EPS15: variants seen among roughly 807,000 people sequenced by gnomAD.
EPS15 encodes epidermal growth factor receptor substrate 15.
A neutral mutation model predicts 113.8 loss-of-function variants in EPS15; 72 were observed. That is an observed-to-expected ratio of 0.63 (90% confidence interval 0.52 to 0.77). The LOEUF (loss-of-function observed/expected upper bound fraction) is 0.77. Among genes scored for constraint, EPS15 ranks in the 30% least tolerant of loss-of-function variants. The pLI is 0.00. For missense variants in EPS15, 1,048 were observed against 1,045.8 expected (o/e 1.00, Z -0.03); for synonymous variants, 344 against 363.4 (o/e 0.95, Z 0.61).
chr1:51,404,562 T>C (rs1238497648), intron 16 of EPS15, among the ~76,000 whole-genome samples: 4 of 152,196 alleles, frequency 2.6e-5, no homozygotes, highest in African/African-American at 9.6e-5. Flanking sequence ...ACTTCTATTC[T>C]TCTCATTATC....
At chr1:51,406,860 T>A (rs984645292) in intron 15 of EPS15, among the ~76,000 whole-genome samples, 1 of 152,166 alleles carries the variant, frequency 6.6e-6, no homozygotes, top group African/African-American at 2.4e-5. Context: ...GGGAAAAATC[T>A]TATTATTGCT....
chr1:51,508,983 C>T (rs149900580), intron 1 of EPS15, among the ~76,000 whole-genome samples: 6 of 152,250 alleles, frequency 3.9e-5, no homozygotes, highest in African/African-American at 1.4e-4. Context: ...TATATTACCA[C>T]CAAAAGTTTC....
intron 13 of EPS15, among the ~76,000 whole-genome samples, chr1:51,413,923 A>AT (rs1649977099): frequency 6.6e-6 from 1 of 151,880 alleles, no homozygotes; most frequent in Admixed American, 6.6e-5. Context: ...TAATTTTTAA[A>AT]TTTTTTTGTA....
intron 13 of EPS15, among the ~76,000 whole-genome samples, chr1:51,411,395 G>C (rs1193647144): frequency 6.6e-6 from 1 of 152,114 alleles, no homozygotes; most frequent in African/African-American, 2.4e-5. Context: ...TGACCCTTGT[G>C]CCATGAATTG....
At chr1:51,496,040 G>A (rs1644317972) in intron 1 of EPS15, among the ~76,000 whole-genome samples, 1 of 152,164 alleles carries the variant, frequency 6.6e-6, no homozygotes, top group Non-Finnish European at 1.5e-5. Flanking sequence ...CATATACACA[G>A]TGTTTCACAG....
chr1:51,422,816 G>A (rs867938619), intron 12 of EPS15, among the ~76,000 whole-genome samples: 2 of 152,216 alleles, frequency 1.3e-5, no homozygotes, highest in Non-Finnish European at 2.9e-5. Flanking sequence ...TTCTGGGGTC[G>A]CAGGGAAAGG....
chr1:51,460,890 G>A (rs1366129572), intron 8 of EPS15: 2 of 456,116 alleles, frequency 4.4e-6, no homozygotes, highest in Admixed American at 4.1e-5. Flanking sequence ...GGAGGTAGAG[G>A]TTGTGGTGAG....
rs74080582 is a variant in EPS15, at chr1:51,409,713, T to A, written c.1114-17A>T. 1.5e-3 allele frequency: 2,328 copies of A among 1,558,900 alleles called. 30 individuals carry two copies. The African/African-American group carries it at 0.029, about 20-fold the overall frequency. Reference sequence around the variant, plus strand: ...TTGAAGATCCTAAAATCCAAGAAAATTAATATATTTATTTTCTTTGCGGGC... The same window carrying A: ...TTGAAGATCCTAAAATCCAAGAAAAATAATATATTTATTTTCTTTGCGGGC... On this transcript the variant is annotated splice_polypyrimidine_tract_variant and intron_variant, in intron 13 of 24. Coordinates refer to ENST00000371733, the MANE Select transcript of EPS15 (RefSeq NM_001981.3).
At chr1:51,439,639 T>G (rs1652429858) in intron 12 of EPS15, among the ~76,000 whole-genome samples, 1 of 152,100 alleles carries the variant, frequency 6.6e-6, no homozygotes, top group Admixed American at 6.6e-5. Context: ...CAATAATATC[T>G]GCTATACTCA....
intron 22 of EPS15, among the ~76,000 whole-genome samples, chr1:51,364,500 A>ATTTTT (rs11386357): frequency 1.4e-5 from 2 of 146,846 alleles, no homozygotes. Context: ...TTGAAAGTCA[A>ATTTTT]TTTTTTTTTT....
At chr1:51,379,421 G>C (rs1412216338) in intron 21 of EPS15, among the ~76,000 whole-genome samples, 2 of 151,930 alleles carry the variant, frequency 1.3e-5, no homozygotes, top group Non-Finnish European at 2.9e-5. Flanking sequence ...TGCCTGGCCA[G>C]GATCCTCAAT....
Position 51,455,945 on chromosome 1 carries a change from T to TA in EPS15, c.561+5145dup, listed in dbSNP as rs979751549. On this transcript the variant is annotated intron_variant, in intron 8 of 24. Transcript: ENST00000371733. ...GGCCTAACTTTTACAAATTTACTTT[T>TA]AAAAAAAAAAAACCAAAAAACTAAA... 6.6e-3 allele frequency among the ~76,000 whole-genome samples: 955 copies of TA among 145,586 alleles called. 5 individuals carry two copies. Among genetic ancestry groups the TA allele is most frequent in the African/African-American group, 8.4e-3 (335 of 40,078 alleles).
chr1:51,513,168 TG>T, intron 1 of EPS15, among the ~76,000 whole-genome samples: 1 of 152,224 alleles, frequency 6.6e-6, no homozygotes, highest in South Asian at 2.1e-4. Context: ...AAGTATCCTC[TG>T]GCCCAAAAAT....
chr1:51,411,382 A>G (rs1649708246), intron 13 of EPS15, among the ~76,000 whole-genome samples: 1 of 152,124 alleles, frequency 6.6e-6, no homozygotes, highest in South Asian at 2.1e-4. Context: ...GAAAGGCAAA[A>G]AGTGACCCTT....
chr1:51,512,283 T>C (rs537304879), intron 1 of EPS15, among the ~76,000 whole-genome samples: 5 of 152,310 alleles, frequency 3.3e-5, no homozygotes, highest in South Asian at 2.1e-4. Context: ...ATTTCTAATA[T>C]GCAAATGAGT....
At chr1:51,429,740 T>A (rs1354538891) in intron 12 of EPS15, among the ~76,000 whole-genome samples, 2 of 150,636 alleles carry the variant, frequency 1.3e-5, no homozygotes, top group Non-Finnish European at 3.0e-5. Context: ...AACCTCTGCC[T>A]CCCGCATTCA....
chr1:51,459,492 T>C (rs1654271601), intron 8 of EPS15, among the ~76,000 whole-genome samples: 1 of 152,000 alleles, frequency 6.6e-6, no homozygotes, highest in African/African-American at 2.4e-5. Context: ...CAAGACTCTG[T>C]CTCAAAAATA....
chr1:51,513,232 A>G (rs748305392), intron 1 of EPS15, among the ~76,000 whole-genome samples: 6 of 152,238 alleles, frequency 3.9e-5, no homozygotes, highest in Non-Finnish European at 7.3e-5. Context: ...AAAAACATGT[A>G]AAAGAGTATC....
intron 1 of EPS15, among the ~76,000 whole-genome samples, chr1:51,488,892 G>A (rs1644176399): frequency 6.6e-6 from 1 of 152,148 alleles, no homozygotes; most frequent in African/African-American, 2.4e-5. Flanking sequence ...TAAAGAGAAA[G>A]GAAATGCCTT....
Sources: allele counts gnomAD v4.1 joint callset (sites outside exome capture counted in the v4.1 genomes callset), GRCh38; gene constraint gnomAD v4.1.1; transcripts MANE v1.5; gene names NCBI Gene and HGNC (gene_info 2026-07-23, HGNC 2026-07-21).